CACNA1C: variants seen among roughly 807,000 people sequenced by gnomAD.
CACNA1C encodes the protein voltage-dependent L-type calcium channel subunit alpha-1C.
CACNA1C carries 30 observed loss-of-function variants against 229.0 expected under a neutral mutation model. That is an observed-to-expected ratio of 0.13 (90% CI 0.10 to 0.18). The LOEUF is 0.18. Ranked by LOEUF, CACNA1C falls within the 10% of genes least tolerant of loss-of-function variation. The pLI is 1.00. For missense variants in CACNA1C, 1,658 were observed against 2,845.0 expected, an observed-to-expected ratio of 0.58 and a Z score of 9.49; for synonymous variants, 1,114 against 1,132.5, an observed-to-expected ratio of 0.98 and a Z score of 0.33.
At chr12:2,180,098 G>A (rs571854108) in intron 3 of CACNA1C, among the ~76,000 whole-genome samples, 23 of 152,314 alleles carry the variant, frequency 1.5e-4, no homozygotes, top group African/African-American at 3.6e-4. Context: ...ACGTCTTCTC[G>A]TTCCCTGTAA....
intron 3 of CACNA1C, among the ~76,000 whole-genome samples, chr12:2,270,812 T>C (rs1033196515): frequency 6.6e-6 from 1 of 152,184 alleles, no homozygotes; most frequent in African/African-American, 2.4e-5. Flanking sequence ...GAAGTCTTAC[T>C]CCACCTGCGG....
At chr12:2,301,630 C>G (rs998739114) in intron 3 of CACNA1C, among the ~76,000 whole-genome samples, 4 of 152,190 alleles carry the variant, frequency 2.6e-5, no homozygotes, top group Non-Finnish European at 4.4e-5. Flanking sequence ...TGCAAACTGT[C>G]TTGACCACAG....
At chr12:2,462,981 C>T (rs939843581) in intron 5 of CACNA1C, among the ~76,000 whole-genome samples, 16 of 140,740 alleles carry the variant, frequency 1.1e-4, no homozygotes, top group Non-Finnish European at 2.1e-4. Flanking sequence ...GGTGTGATCT[C>T]GGCTCACTGT....
intron 8 of CACNA1C, among the ~76,000 whole-genome samples, chr12:2,508,388 A>G (rs1357800113): frequency 2.6e-5 from 4 of 152,372 alleles, no homozygotes; most frequent in African/African-American, 7.2e-5. Flanking sequence ...ATGGTGGCTC[A>G]TGCCTATAAT....
chr12:2,642,477 G>A (rs751938346), intron 30 of CACNA1C, among the ~76,000 whole-genome samples: 33 of 152,268 alleles, frequency 2.2e-4, no homozygotes, highest in Middle Eastern at 6.8e-3. Flanking sequence ...TAAAGCAAAG[G>A]CACCTAGAAG....
chr12:2,645,528 G>C (rs574179451), intron 30 of CACNA1C, among the ~76,000 whole-genome samples: 1 of 152,302 alleles, frequency 6.6e-6, no homozygotes, highest in Non-Finnish European at 1.5e-5. Context: ...TCCAACTCCA[G>C]CAAGTCCAAT....
intron 3 of CACNA1C, among the ~76,000 whole-genome samples, chr12:2,191,432 G>A (rs535238170): frequency 2.6e-5 from 4 of 152,194 alleles, no homozygotes; most frequent in South Asian, 2.1e-4. Context: ...CAGGCTCACC[G>A]GGAGTCACGT....
intron 3 of CACNA1C, among the ~76,000 whole-genome samples, chr12:2,158,286 A>T (rs1272886915): frequency 1.3e-5 from 2 of 152,230 alleles, no homozygotes. Context: ...ATTGGATCTT[A>T]CAAGTTTCTA....
At chr12:2,477,056 T>C (rs1418467235) in intron 5 of CACNA1C, among the ~76,000 whole-genome samples, 1 of 152,238 alleles carries the variant, frequency 6.6e-6, no homozygotes, top group East Asian at 1.9e-4. Flanking sequence ...TATTTTCTTT[T>C]GAAAGCCATT....
chr12:2,590,597 G>A (rs763743164), intron 18 of CACNA1C, among the ~76,000 whole-genome samples: 13 of 152,092 alleles, frequency 8.5e-5, no homozygotes, highest in Non-Finnish European at 1.6e-4. Flanking sequence ...TAAGTACTGT[G>A]CCTGAGGTTC....
Position 2,649,917 on chromosome 12 carries a change from G to A in CACNA1C, c.3945+1410G>A, listed in dbSNP as rs1380040581. ...TTAAGGAGTGAAAATAGAAGTTCAA[G>A]CAGATACACAGGTGATAGAAATACA... On this transcript the variant is annotated intron_variant, in intron 31 of 46. Transcript: ENST00000399655. The surrounding 1 kb of genome is among the most constrained non-coding windows in gnomAD (Gnocchi z 4.4). Among the ~76,000 whole-genome samples, 1 of 151,510 alleles carries A rather than the reference G, an allele frequency of 6.6e-6. No homozygotes were observed. Among genetic ancestry groups the A allele is most frequent in the African/African-American group, 2.4e-5 (1 of 40,924 alleles).
At chr12:2,187,888 C>T (rs567305182) in intron 3 of CACNA1C, among the ~76,000 whole-genome samples, 2 of 152,332 alleles carry the variant, frequency 1.3e-5, no homozygotes, top group African/African-American at 4.8e-5. Flanking sequence ...GAGTCTGCTG[C>T]CCCCAGGACG....
chr12:2,001,212 C>T (rs556887060), intron 1 of CACNA1C, among the ~76,000 whole-genome samples: 2 of 152,054 alleles, frequency 1.3e-5, no homozygotes, highest in Non-Finnish European at 2.9e-5. Flanking sequence ...TATCCAAGGG[C>T]AACCAGATTT....
At chr12:2,089,892 G>T in intron 1 of CACNA1C, among the ~76,000 whole-genome samples, 1 of 152,020 alleles carries the variant, frequency 6.6e-6, no homozygotes, top group East Asian at 1.9e-4. Context: ...AGCCGGGCGT[G>T]GTGGCAGGCG....
At chr12:2,151,391 G>A (rs2095251858) in intron 3 of CACNA1C, among the ~76,000 whole-genome samples, 1 of 151,524 alleles carries the variant, frequency 6.6e-6, no homozygotes, top group South Asian at 2.1e-4. Context: ...ATTTGAGATG[G>A]TAGGAGGGGT....
rs191132743 is a variant in CACNA1C at position 2,448,293 on chromosome 12, A to T, written c.478-683A>T. On this transcript the variant is annotated intron_variant, in intron 3 of 46. Transcript: ENST00000399655. ...CTCTTTCCATTCTCCACTCCCACCCAGTGCCTGCCTCCATCCGCAAAGTGC... is the reference window on the plus strand; with the variant it reads ...CTCTTTCCATTCTCCACTCCCACCCTGTGCCTGCCTCCATCCGCAAAGTGC... Among the ~76,000 whole-genome samples, 64 of 152,344 alleles carry T rather than the reference A, an allele frequency of 4.2e-4. No individual in the cohort carries two copies. In the East Asian group the frequency reaches 0.011, roughly 27 times the overall value.
At position 2,006,709 on chromosome 12, in the gene CACNA1C, C is replaced by T. The variant is rs542867393; in HGVS notation, c.139+35508C>T. On this transcript the variant is annotated intron_variant, in intron 1 of 46. Coordinates refer to the CACNA1C transcript ENST00000682462. ...TTTTGGAGTCTCAGTCCTATTGACTCCCAAGCCTAACTTCCCAGTGGGGAA... is the reference window on the plus strand; with the variant it reads ...TTTTGGAGTCTCAGTCCTATTGACTTCCAAGCCTAACTTCCCAGTGGGGAA... Among the ~76,000 whole-genome samples, 4 of 152,314 alleles carry T rather than the reference C, an allele frequency of 2.6e-5. No individual in the cohort carries two copies. In the East Asian group the frequency reaches 5.8e-4, roughly 22 times the overall value.
intron 3 of CACNA1C, among the ~76,000 whole-genome samples, chr12:2,201,884 A>G (rs555725661): frequency 2.0e-5 from 3 of 152,270 alleles, no homozygotes; most frequent in Admixed American, 6.5e-5. Flanking sequence ...ATGTGCCTCC[A>G]TTGCTTGGGG....
At chr12:2,021,930 G>A (rs1354757746) in intron 1 of CACNA1C, among the ~76,000 whole-genome samples, 5 of 152,238 alleles carry the variant, frequency 3.3e-5, no homozygotes, top group East Asian at 1.9e-4. Context: ...CATACGTTTC[G>A]GGGGACACAG....
Sources: gnomAD v4.1 joint callset for allele counts (sites outside exome capture counted in the v4.1 genomes callset) on GRCh38, gnomAD v4.1.1 for gene constraint, Gnocchi (gnomAD v3.1) non-coding constraint, MANE v1.5 for transcripts, NCBI Gene and HGNC (gene_info 2026-07-23, HGNC 2026-07-21) for gene names.